Variants in RHOU observed in about 807,000 individuals in gnomAD.
The protein encoded by RHOU is ras homolog family member U, also known as rho-related GTP-binding protein RhoU.
A neutral mutation model predicts 12.6 loss-of-function variants in RHOU; 8 were observed. The observed-to-expected ratio is 0.64, with a 90% CI of 0.37 to 1.15. The LOEUF is 1.15. Among genes scored for constraint, RHOU ranks in the 50% most tolerant of loss-of-function variants. The pLI, the probability that RHOU is intolerant of heterozygous loss-of-function variation, is 0.01. For synonymous variants in RHOU, 161 were observed against 147.4 expected (o/e 1.09, Z -0.67); for missense variants, 258 against 347.0 (o/e 0.74, Z 2.04).
chr1:228,647,716 C>G, the RHOU span, among the ~76,000 whole-genome samples: 1 of 152,174 alleles, frequency 6.6e-6, no homozygotes, highest in Non-Finnish European at 1.5e-5. Flanking sequence ...TCTGCTGGAT[C>G]CGGTTTCATC....
the RHOU span, among the ~76,000 whole-genome samples, chr1:228,657,814 G>A: frequency 2.6e-5 from 4 of 152,156 alleles, no homozygotes; most frequent in Non-Finnish European, 5.9e-5. Context: ...AAGATAGATA[G>A]CATATCAAAT....
the RHOU span, among the ~76,000 whole-genome samples, chr1:228,722,174 A>G: frequency 1.3e-5 from 2 of 152,210 alleles, no homozygotes; most frequent in African/African-American, 2.4e-5. Context: ...GGTGCTAGGT[A>G]CCTGTATAGA....
the RHOU span, among the ~76,000 whole-genome samples, chr1:228,705,887 TA>T: frequency 6.6e-6 from 1 of 151,856 alleles, no homozygotes; most frequent in Non-Finnish European, 1.5e-5. Flanking sequence ...CTACTAAAAA[TA>T]CAAAAAATTA....
At chr1:228,707,196 C>CATAT in the RHOU span, among the ~76,000 whole-genome samples, 6 of 70,642 alleles carry the variant, frequency 8.5e-5, no homozygotes, top group African/African-American at 2.5e-4. Flanking sequence ...TATATATATA[C>CATAT]ATATATATAC....
In RHOU at chr1:228,735,952, C is replaced by T. The variant is rs774917427; in HGVS notation, c.210C>T (p.Thr70=). The part of the protein sequence containing the change: ...VGKTSLVVSY[T]TNGYPTEYIP... ...AGACGAGCCTGGTGGTGAGCTACAC[C>T]ACCAACGGCTACCCCACCGAGTACA... The change falls in exon 1 of 3, where the codon ACC becomes ACT. Residue 70 remains threonine, a synonymous_variant. Transcript: ENST00000366691. This position sits in a 1 kb window ranked among gnomAD's most constrained non-coding sequence, Gnocchi z 8.1. 1.3e-6 allele frequency: 2 copies of T among 1,582,442 alleles called. No homozygotes were observed. The highest frequency in any genetic ancestry group is 2.4e-5 in the East Asian group (1 of 41,784).
intron 2 of RHOU, among the ~76,000 whole-genome samples, chr1:228,742,026 A>G (rs750029208): frequency 6.6e-6 from 1 of 152,242 alleles, no homozygotes; most frequent in Non-Finnish European, 1.5e-5. Context: ...ATGGAGTATA[A>G]TGTGATGTAA....
At chr1:228,695,325 TC>T in the RHOU span, among the ~76,000 whole-genome samples, 2 of 152,120 alleles carry the variant, frequency 1.3e-5, no homozygotes, top group African/African-American at 2.4e-5. Flanking sequence ...TCTGATCTCA[TC>T]CCACAATAAT....
chr1:228,735,650 T>C lies in RHOU; in HGVS notation c.-93T>C. ...CCGGGGACGCGCCCGCAGCTGTCGGTGACAGCTCCTCCCTACCGCAACCCT... is the reference window on the plus strand; with the variant it reads ...CCGGGGACGCGCCCGCAGCTGTCGGCGACAGCTCCTCCCTACCGCAACCCT... On this transcript the variant is annotated 5_prime_UTR_variant, in exon 1 of 3. Transcript: ENST00000366691. The surrounding 1 kb of genome is among the most constrained non-coding windows in gnomAD (Gnocchi z 8.1). 1 of 984,404 alleles carries C rather than the reference T, an allele frequency of 1.0e-6. No homozygotes were observed. The highest frequency in any genetic ancestry group is 1.3e-6 in the Non-Finnish European group (1 of 785,628). The allele number at this position is 984,404 out of a possible 1,614,324, so 61.0% of individuals were successfully genotyped here.
the RHOU span, among the ~76,000 whole-genome samples, chr1:228,680,616 C>T: frequency 5.3e-5 from 8 of 152,126 alleles, no homozygotes; most frequent in African/African-American, 1.4e-4. Context: ...GTTTGAAGGC[C>T]GGATTCCAAT....
chr1:228,727,178 C>T, the RHOU span, among the ~76,000 whole-genome samples: 1 of 152,222 alleles, frequency 6.6e-6, no homozygotes, highest in Non-Finnish European at 1.5e-5. Flanking sequence ...TACACCTCTG[C>T]TCTTCTAAAA....
At chr1:228,722,054 T>TG in the RHOU span, among the ~76,000 whole-genome samples, 1 of 152,186 alleles carries the variant, frequency 6.6e-6, no homozygotes, top group South Asian at 2.1e-4. Context: ...CTGGTGCCCT[T>TG]ACAATAGGGT....
the RHOU span, among the ~76,000 whole-genome samples, chr1:228,671,711 T>G: frequency 3.4e-5 from 1 of 29,758 alleles, no homozygotes; most frequent in Admixed American, 4.0e-4. Context: ...AGACTCCATC[T>G]CAAAAAAAAA....
chr1:228,675,228 C>T, the RHOU span, among the ~76,000 whole-genome samples: 12 of 152,108 alleles, frequency 7.9e-5, no homozygotes, highest in Non-Finnish European at 1.2e-4. Context: ...TATCACAGAT[C>T]AAGTGTGCAT....
the RHOU span, among the ~76,000 whole-genome samples, chr1:228,720,615 G>A: frequency 6.6e-6 from 1 of 152,202 alleles, no homozygotes; most frequent in African/African-American, 2.4e-5. Context: ...CAAGGACAGA[G>A]GCCTCAGGAG....
chr1:228,659,843 G>T, the RHOU span, among the ~76,000 whole-genome samples: 1 of 151,740 alleles, frequency 6.6e-6, no homozygotes, highest in East Asian at 1.9e-4. Context: ...ACGTAGCCGG[G>T]TGTGGTGGCA....
the RHOU span, among the ~76,000 whole-genome samples, chr1:228,647,250 G>T: frequency 6.6e-6 from 1 of 152,196 alleles, no homozygotes; most frequent in Non-Finnish European, 1.5e-5. Flanking sequence ...GGGTTTCGTA[G>T]GCTCCATTCT....
At chr1:228,724,404 C>CA in the RHOU span, among the ~76,000 whole-genome samples, 4 of 152,282 alleles carry the variant, frequency 2.6e-5, no homozygotes, top group African/African-American at 9.6e-5. Context: ...TATATGTTTA[C>CA]AAATGACATG....
chr1:228,658,524 G>T, the RHOU span, among the ~76,000 whole-genome samples: 3 of 152,166 alleles, frequency 2.0e-5, no homozygotes, highest in Admixed American at 6.6e-5. Flanking sequence ...ATGGGCTGAT[G>T]CCTTGATCTT....
rs1295284811 is a variant in RHOU, at chr1:228,735,864, G to C, written c.122G>C (p.Arg41Pro). Residue 41 changes from arginine (R) to proline (P), a missense_variant, in exon 1 of 3, where the codon CGT (arginine) becomes CCT (proline). Arg to Pro is a moderately radical substitution (Grantham distance 103). Transcript: ENST00000366691. This position sits in a 1 kb window ranked among gnomAD's most constrained non-coding sequence, Gnocchi z 8.1. ...CCTGGGGAGCCGGGGGGCCGGGGGC[G>C]TGCGGGGGGTGCCGAGGGGCGCGGC... The part of the protein sequence containing the change: ...RGPGEPGGRG[R>P]AGGAEGRGVK... 6.9e-7 allele frequency: 1 copy of C among 1,442,994 alleles called. No homozygotes were observed. The highest frequency in any genetic ancestry group is 9.1e-7 in the Non-Finnish European group (1 of 1,101,214). 89.4% of individuals were successfully genotyped at this position (1,442,994 alleles called of 1,614,324 possible).
Sources: allele counts gnomAD v4.1 joint callset (sites outside exome capture counted in the v4.1 genomes callset), GRCh38; gene constraint gnomAD v4.1.1; non-coding constraint Gnocchi (gnomAD v3.1); transcripts MANE v1.5; gene names NCBI Gene and HGNC (gene_info 2026-07-23, HGNC 2026-07-21).